RPS6KA2: variants seen among roughly 807,000 people sequenced by gnomAD.
The protein encoded by RPS6KA2 is ribosomal protein S6 kinase alpha-2.
A neutral mutation model predicts 91.8 loss-of-function variants in RPS6KA2; 42 were observed. The observed-to-expected ratio is 0.46, with a 90% confidence interval of 0.36 to 0.59. The LOEUF is 0.59. Ranked by LOEUF, RPS6KA2 falls within the 20% of genes least tolerant of loss-of-function variation. RPS6KA2 has a pLI of 0.00. For synonymous variants in RPS6KA2, 414 were observed against 393.6 expected (o/e 1.05, Z -0.61); for missense variants, 798 against 978.5 (o/e 0.82, Z 2.46).
At chr6:166,578,879 G>A (rs965107721) in intron 1 of RPS6KA2, among the ~76,000 whole-genome samples, 1 of 152,152 alleles carries the variant, frequency 6.6e-6, no homozygotes, top group Non-Finnish European at 1.5e-5. Context: ...GATATGTGAG[G>A]GACAGGAACG....
intron 2 of RPS6KA2, among the ~76,000 whole-genome samples, chr6:166,667,740 C>T (rs1409701176): frequency 6.6e-6 from 1 of 152,170 alleles, no homozygotes; most frequent in African/African-American, 2.4e-5. Flanking sequence ...GAATCAGCAA[C>T]TTTTGGAGGG....
intron 2 of RPS6KA2, among the ~76,000 whole-genome samples, chr6:166,673,223 C>T (rs1222559865): frequency 6.6e-6 from 1 of 152,220 alleles, no homozygotes; most frequent in Non-Finnish European, 1.5e-5. Flanking sequence ...TCCACGTGCA[C>T]ACAGACCCAG....
intron 2 of RPS6KA2, chr6:166,701,870 T>G: frequency 3.2e-6 from 3 of 928,798 alleles, no homozygotes; most frequent in South Asian, 1.4e-5. Flanking sequence ...TGGATTATAC[T>G]GCATCAGTTC....
chr6:166,569,266 C>T (rs1026396452), intron 1 of RPS6KA2, among the ~76,000 whole-genome samples: 22 of 152,334 alleles, frequency 1.4e-4, no homozygotes, highest in Non-Finnish European at 2.2e-4. Flanking sequence ...CTGCTCCTCC[C>T]GTCTTCCATG....
In RPS6KA2 at chr6:166,500,624, C is replaced by T. The variant is rs956597770; in HGVS notation, c.604+263G>A. On this transcript the variant is annotated intron_variant, in intron 7 of 20. Coordinates refer to ENST00000265678, the MANE Select transcript of RPS6KA2 (RefSeq NM_021135.6). The surrounding 1 kb of genome is among the most constrained non-coding windows in gnomAD (Gnocchi z 4.3). Reference sequence around the variant, plus strand: ...TGGGACTCCTGAACTAAACACCCAGCGACGCTGAAGGAGCCCAGCAAACAG... The same window carrying T: ...TGGGACTCCTGAACTAAACACCCAGTGACGCTGAAGGAGCCCAGCAAACAG... Among the ~76,000 whole-genome samples, 5 of 152,122 alleles carry T rather than the reference C, an allele frequency of 3.3e-5. No individual in the cohort carries two copies. The highest frequency in any genetic ancestry group is 1.9e-4 in the East Asian group (1 of 5,190).
chr6:166,765,850 A>G (rs1778297784), intron 2 of RPS6KA2, among the ~76,000 whole-genome samples: 1 of 152,252 alleles, frequency 6.6e-6, no homozygotes, highest in Non-Finnish European at 1.5e-5. Context: ...TGGCTGGGGC[A>G]ATGGCAGGCA....
intron 2 of RPS6KA2, among the ~76,000 whole-genome samples, chr6:166,675,413 TCAG>T (rs1788590892): frequency 6.6e-6 from 1 of 152,154 alleles, no homozygotes; most frequent in Admixed American, 6.5e-5. Context: ...ACGCTGTTAA[TCAG>T]CTGCCTTTAA....
chr6:166,510,300 G>T lies in RPS6KA2; in HGVS notation c.356C>A (p.Pro119His), dbSNP rs1782416462. The change falls in exon 4 of 21, where the codon CCC becomes CAC. Residue 119 changes from proline (P) to histidine (H), a missense_variant. By Grantham distance (77) the Pro-to-His change is moderately conservative. Transcript: ENST00000265678. ...ERDILAEVNH[P>H]FIVKLHYAFQ... ...ACCATAATGAAGCTTCACAATGAAG[G>T]GGTGATTCACTTCTGCCAAGATGTC... 1.9e-6 allele frequency: 3 copies of T among 1,603,070 alleles called. No homozygotes were observed. The highest frequency in any genetic ancestry group is 1.3e-5 in the African/African-American group (1 of 74,332).
intron 2 of RPS6KA2, among the ~76,000 whole-genome samples, chr6:166,712,556 T>G (rs991678889): frequency 7.9e-5 from 12 of 152,152 alleles, no homozygotes; most frequent in African/African-American, 2.9e-4. Context: ...GGGCCAAGCA[T>G]GCAGTGTGGG....
chr6:166,697,183 A>G (rs1789384266), intron 2 of RPS6KA2, among the ~76,000 whole-genome samples: 1 of 151,290 alleles, frequency 6.6e-6, no homozygotes, highest in African/African-American at 2.5e-5. Flanking sequence ...CACCAGCTAC[A>G]GAGGAAATAA....
chr6:166,478,772 G>A (rs1781077272), intron 10 of RPS6KA2, among the ~76,000 whole-genome samples: 1 of 152,118 alleles, frequency 6.6e-6, no homozygotes, highest in Non-Finnish European at 1.5e-5. Context: ...CTGCACACCG[G>A]TGCTCTCTGC....
At chr6:166,638,780 C>T (rs988873479) in intron 2 of RPS6KA2, among the ~76,000 whole-genome samples, 9 of 152,230 alleles carry the variant, frequency 5.9e-5, no homozygotes, top group Non-Finnish European at 1.2e-4. Context: ...ACCGGCATCT[C>T]GTGGGTTGAG....
rs1779804283 is a variant in RPS6KA2, at chr6:166,449,832, C to A, written c.1207-983G>T. 4.0e-5 allele frequency among the ~76,000 whole-genome samples: 5 copies of A among 126,124 alleles called. No homozygotes were observed. The South Asian group carries it at 1.2e-3, about 31-fold the overall frequency. The allele number at this position is 126,124 out of a possible 152,430, so 82.7% of individuals were successfully genotyped here. ...CCACCATGGGAACCACCACAGGGAC[C>A]ACCACGGGACAACCACGAGGACCAC... On this transcript the variant is annotated intron_variant, in intron 13 of 20. Coordinates refer to ENST00000265678, the MANE Select transcript of RPS6KA2 (RefSeq NM_021135.6).
chr6:166,582,567 T>C (rs1325192827), intron 1 of RPS6KA2, among the ~76,000 whole-genome samples: 1 of 152,242 alleles, frequency 6.6e-6, no homozygotes, highest in Non-Finnish European at 1.5e-5. Context: ...TCACAAGTTT[T>C]ATAGTATGCA....
chr6:166,522,221 T>C (rs759171599), intron 3 of RPS6KA2, among the ~76,000 whole-genome samples: 4 of 152,232 alleles, frequency 2.6e-5, no homozygotes, highest in Non-Finnish European at 4.4e-5. Context: ...TAGGTGATAA[T>C]ACAAAAGAAA....
Position 166,418,547 on chromosome 6 carries a change from G to A in RPS6KA2, c.1821-205C>T, listed in dbSNP as rs1778617854. Among the ~76,000 whole-genome samples, 1 of 152,252 alleles carries A rather than the reference G, an allele frequency of 6.6e-6. No homozygotes were observed. The highest frequency in any genetic ancestry group is 1.5e-5 in the Non-Finnish European group (1 of 68,050). The stretch of plus-strand genomic sequence containing the variant: ...TTCCTTAGCAATTGGGTGGCTAGAG[G>A]TTGATGGGCAAGTGGGAGAGCCCTG... On this transcript the variant is annotated intron_variant, in intron 18 of 20. Coordinates refer to ENST00000265678, the MANE Select transcript of RPS6KA2 (RefSeq NM_021135.6). This position sits in a 1 kb window ranked among gnomAD's most constrained non-coding sequence, Gnocchi z 4.9.
chr6:166,647,051 C>T (rs1268787488), intron 2 of RPS6KA2, among the ~76,000 whole-genome samples: 1 of 152,224 alleles, frequency 6.6e-6, no homozygotes, highest in East Asian at 1.9e-4. Flanking sequence ...CCTCCAGGCA[C>T]TGCCAGGGAA....
rs535484970 is a variant in RPS6KA2 at position 166,495,960 on chromosome 6, C to T, written c.747+2548G>A. ...ATTTCCTCTTCTTCTGGCCCCTCGT[C>T]GTGTCTCCATCTTTGGATCATTCCT... On this transcript the variant is annotated intron_variant, in intron 8 of 20. Coordinates refer to ENST00000265678, the MANE Select transcript of RPS6KA2 (RefSeq NM_021135.6). This position sits in a 1 kb window ranked among gnomAD's most constrained non-coding sequence, Gnocchi z 4.4. Among the ~76,000 whole-genome samples, 5 of 152,314 alleles carry T rather than the reference C, an allele frequency of 3.3e-5. No individual in the cohort carries two copies. The highest frequency in any genetic ancestry group is 1.2e-4 in the African/African-American group (5 of 41,566).
intron 2 of RPS6KA2, among the ~76,000 whole-genome samples, chr6:166,855,501 G>A (rs112465077): frequency 3.6e-5 from 5 of 139,774 alleles, no homozygotes; most frequent in African/African-American, 1.2e-4. Flanking sequence ...AAGAAGAAGA[G>A]GAAGAAGAAG....
Sources: gnomAD v4.1 joint callset for allele counts (sites outside exome capture counted in the v4.1 genomes callset) on GRCh38, gnomAD v4.1.1 for gene constraint, Gnocchi (gnomAD v3.1) non-coding constraint, MANE v1.5 for transcripts, NCBI Gene and HGNC (gene_info 2026-07-23, HGNC 2026-07-21) for gene names.